Variants in MAGI2 observed in about 807,000 individuals in gnomAD.
The protein encoded by MAGI2 is membrane associated guanylate kinase, WW and PDZ domain containing 2, also known as membrane-associated guanylate kinase, WW and PDZ domain-containing protein 2.
In MAGI2, 35 loss-of-function variants were observed where a neutral mutation model predicts 133.3. That is an observed-to-expected ratio of 0.26 (90% CI 0.20 to 0.35). The LOEUF (loss-of-function observed/expected upper bound fraction) is 0.35, where lower values mean the gene tolerates loss of function less well. MAGI2 is among the 10% of genes least tolerant of loss of function. The probability of loss-of-function intolerance (pLI) is 1.00; values close to 1 mark genes in which losing one functional copy is unlikely to be tolerated. For synonymous variants in MAGI2, 729 were observed against 710.6 expected, an observed-to-expected ratio of 1.03 and a Z score of -0.41; for missense variants, 1,636 against 1,863.4, an observed-to-expected ratio of 0.88 and a Z score of 2.25.
chr7:79,038,338 TA>T (rs1471602341), intron 1 of MAGI2, among the ~76,000 whole-genome samples: 3 of 152,174 alleles, frequency 2.0e-5, no homozygotes, highest in African/African-American at 4.8e-5. Flanking sequence ...TTAATTCATG[TA>T]TTTTTTTATT....
intron 9 of MAGI2, among the ~76,000 whole-genome samples, chr7:78,332,689 C>A (rs1297702044): frequency 1.8e-5 from 2 of 109,388 alleles, no homozygotes; most frequent in Middle Eastern, 6.0e-3. Flanking sequence ...CAGAGCGAGA[C>A]TCCGTCTCAA....
chr7:79,300,986 G>A (rs186226596), intron 1 of MAGI2, among the ~76,000 whole-genome samples: 234 of 152,370 alleles, frequency 1.5e-3, no homozygotes, highest in African/African-American at 5.4e-3. Flanking sequence ...ATGGTGTCAA[G>A]CCTGCGAGTG....
rs1203153174 is a variant in MAGI2, at chr7:78,753,131, A to T, written c.419-125892T>A. Among the ~76,000 whole-genome samples the T allele has an allele frequency of 6.6e-5, 10 of 152,362 alleles. No homozygotes were observed. In the East Asian group the frequency reaches 1.9e-3, roughly 29 times the overall value. ...GAAAATATCACTCATACTCAAGAATAAAAGAAATCAATGAGAATGACCACA... is the reference window on the plus strand; with the variant it reads ...GAAAATATCACTCATACTCAAGAATTAAAGAAATCAATGAGAATGACCACA... On this transcript the variant is annotated intron_variant, in intron 2 of 21. Coordinates refer to ENST00000354212, the MANE Select transcript of MAGI2 (RefSeq NM_012301.4).
chr7:79,206,752 T>C (rs781010918), intron 1 of MAGI2, among the ~76,000 whole-genome samples: 2 of 151,328 alleles, frequency 1.3e-5, no homozygotes, highest in Non-Finnish European at 2.9e-5. Context: ...AAGCAGACAA[T>C]GACATTACAA....
At chr7:78,530,932 T>C (rs540422965) in intron 3 of MAGI2, among the ~76,000 whole-genome samples, 85 of 152,208 alleles carry the variant, frequency 5.6e-4, no homozygotes, top group African/African-American at 1.9e-3. Flanking sequence ...ATTTGGGAAA[T>C]AACTAGTCAA....
chr7:78,701,760 T>C (rs1233978948), intron 2 of MAGI2, among the ~76,000 whole-genome samples: 1 of 151,998 alleles, frequency 6.6e-6, no homozygotes, highest in East Asian at 1.9e-4. Context: ...CAAACAGCTA[T>C]ACTTGTTTAT....
At chr7:79,443,993 A>G (rs1037667213) in intron 1 of MAGI2, among the ~76,000 whole-genome samples, 2 of 152,110 alleles carry the variant, frequency 1.3e-5, no homozygotes, top group African/African-American at 4.8e-5. Context: ...TTCTTCTACA[A>G]ATTTTTTCAT....
chr7:78,740,678 A>C lies in MAGI2; in HGVS notation c.419-113439T>G, dbSNP rs550500144. ...CACTGATACTAGAGACCAGTCAATT[A>C]AGTAATTCAGACCAGACTCTTTTTG... On this transcript the variant is annotated intron_variant, in intron 2 of 21. Coordinates refer to ENST00000354212, the MANE Select transcript of MAGI2 (RefSeq NM_012301.4). 3.9e-5 allele frequency among the ~76,000 whole-genome samples: 6 copies of C among 152,304 alleles called. No homozygotes were observed. In the East Asian group the frequency reaches 9.6e-4, roughly 24 times the overall value.
intron 1 of MAGI2, among the ~76,000 whole-genome samples, chr7:79,285,952 G>C (rs1023237476): frequency 2.4e-4 from 37 of 152,212 alleles, no homozygotes; most frequent in Middle Eastern, 3.4e-3. Flanking sequence ...TCAGGCAGTA[G>C]ACAGTTAAAA....
At chr7:78,629,300 T>C (rs1808709171) in intron 2 of MAGI2, among the ~76,000 whole-genome samples, 1 of 152,200 alleles carries the variant, frequency 6.6e-6, no homozygotes. Flanking sequence ...GCTGCCTACT[T>C]GGACTGGCAG....
At chr7:78,690,554 A>G (rs1328320333) in intron 2 of MAGI2, among the ~76,000 whole-genome samples, 1 of 152,214 alleles carries the variant, frequency 6.6e-6, no homozygotes, top group African/African-American at 2.4e-5. Flanking sequence ...AGGAATAGAG[A>G]GTAATTCTAG....
At chr7:78,701,566 G>C (rs1292665398) in intron 2 of MAGI2, among the ~76,000 whole-genome samples, 1 of 151,882 alleles carries the variant, frequency 6.6e-6, no homozygotes, top group Non-Finnish European at 1.5e-5. Context: ...AGAAAAGGTG[G>C]TATTTGTGCT....
chr7:78,107,185 G>C (rs1265759182), intron 20 of MAGI2, among the ~76,000 whole-genome samples: 4 of 152,128 alleles, frequency 2.6e-5, no homozygotes, highest in Middle Eastern at 3.4e-3. Flanking sequence ...TTTATTTCTG[G>C]GTTATCTATT....
At chr7:78,640,719 G>A (rs902266390) in intron 2 of MAGI2, among the ~76,000 whole-genome samples, 6 of 152,234 alleles carry the variant, frequency 3.9e-5, no homozygotes, top group Admixed American at 6.5e-5. Flanking sequence ...TAGGGTGATG[G>A]TGCTCTGACT....
At chr7:78,522,590 G>C (rs1020010229) in intron 3 of MAGI2, among the ~76,000 whole-genome samples, 1 of 152,134 alleles carries the variant, frequency 6.6e-6, no homozygotes, top group African/African-American at 2.4e-5. Context: ...ATGTTGCCCA[G>C]GCTGATCTCA....
chr7:79,131,240 C>A (rs974206572), intron 1 of MAGI2, among the ~76,000 whole-genome samples: 1 of 152,096 alleles, frequency 6.6e-6, no homozygotes, highest in South Asian at 2.1e-4. Context: ...CCCAATTCAT[C>A]GGTTCTGGGC....
chr7:78,967,105 C>CT (rs113251049), intron 2 of MAGI2, among the ~76,000 whole-genome samples: 52 of 151,080 alleles, frequency 3.4e-4, no homozygotes, highest in Admixed American at 2.8e-3. Context: ...GCTGGTCTAA[C>CT]TTTTTTTTTA....
rs76141366 is a variant in MAGI2 at position 78,145,567 on chromosome 7, T to C, written c.2846-10361A>G. Among the ~76,000 whole-genome samples, 392 of 152,280 alleles carry C rather than the reference T, an allele frequency of 2.6e-3. 2 individuals carry two copies. The highest frequency in any genetic ancestry group is 9.1e-3 in the African/African-American group (378 of 41,558). On this transcript the variant is annotated intron_variant, in intron 16 of 21. Transcript: ENST00000354212. Reference sequence around the variant, plus strand: ...GATTACGCCCTCATGGTAGAATTAGTACCATTATAAAAGGGCAAATTTGGC... The same window carrying C: ...GATTACGCCCTCATGGTAGAATTAGCACCATTATAAAAGGGCAAATTTGGC...
intron 2 of MAGI2, among the ~76,000 whole-genome samples, chr7:78,860,408 T>C (rs961046634): frequency 6.6e-6 from 1 of 152,202 alleles, no homozygotes; most frequent in Non-Finnish European, 1.5e-5. Flanking sequence ...GATGGTGACA[T>C]ACAGATGGGG....
Sources: gnomAD v4.1 joint callset for allele counts (sites outside exome capture counted in the v4.1 genomes callset) on GRCh38, gnomAD v4.1.1 for gene constraint, MANE v1.5 for transcripts, NCBI Gene and HGNC (gene_info 2026-07-23, HGNC 2026-07-21) for gene names.